AGPS: variants seen among roughly 807,000 people sequenced by gnomAD.
The protein encoded by AGPS is alkylglycerone phosphate synthase.
A neutral mutation model predicts 90.7 loss-of-function variants in AGPS; 26 were observed. That is an observed-to-expected ratio of 0.29 (90% CI 0.21 to 0.40). The LOEUF (loss-of-function observed/expected upper bound fraction) is 0.40. Among genes scored for constraint, AGPS ranks in the 10% least tolerant of loss-of-function variants. AGPS has a pLI of 1.00. For synonymous variants in AGPS, 294 were observed against 285.3 expected (o/e 1.03, Z -0.31); for missense variants, 540 against 816.1 (o/e 0.66, Z 4.12).
At chr2:177,470,245 G>C (rs1196249294) in intron 10 of AGPS, among the ~76,000 whole-genome samples, 1 of 152,168 alleles carries the variant, frequency 6.6e-6, no homozygotes, top group East Asian at 1.9e-4. Flanking sequence ...TCTAGGAGCA[G>C]AATGGTAAGG....
At chr2:177,479,114 T>A (rs1687868835) in intron 10 of AGPS, among the ~76,000 whole-genome samples, 1 of 152,134 alleles carries the variant, frequency 6.6e-6, no homozygotes, top group African/African-American at 2.4e-5. Flanking sequence ...TGTTTCTATC[T>A]AAGTAACACC....
intron 1 of AGPS, among the ~76,000 whole-genome samples, chr2:177,400,922 C>T (rs1685313500): frequency 6.6e-6 from 1 of 152,190 alleles, no homozygotes; most frequent in Non-Finnish European, 1.5e-5. Context: ...CTTGAACTAA[C>T]TGTATAGGAA....
chr2:177,399,958 C>G (rs913245396), intron 1 of AGPS, among the ~76,000 whole-genome samples: 4 of 152,136 alleles, frequency 2.6e-5, no homozygotes, highest in Non-Finnish European at 5.9e-5. Context: ...GAATAGTATT[C>G]CATTGGGTAG....
At chr2:177,499,837 C>T (rs2105712208) in intron 14 of AGPS, 107 bp downstream of exon 14, 1 of 737,566 alleles carries the variant, frequency 1.4e-6, no homozygotes, top group Non-Finnish European at 2.4e-6. Context: ...AAACAGACTG[C>T]ATGTCTCAAA....
At chr2:177,409,083 G>T (rs1488670334) in intron 1 of AGPS, among the ~76,000 whole-genome samples, 1 of 151,976 alleles carries the variant, frequency 6.6e-6, no homozygotes, top group Non-Finnish European at 1.5e-5. Flanking sequence ...ACTTTATGGG[G>T]TTCATTTTTT....
At chr2:177,422,745 A>G (rs1164134220) in intron 2 of AGPS, among the ~76,000 whole-genome samples, 2 of 152,240 alleles carry the variant, frequency 1.3e-5, no homozygotes, top group African/African-American at 4.8e-5. Context: ...AAGCACCAGT[A>G]CCTTGTCACA....
intron 1 of AGPS, among the ~76,000 whole-genome samples, chr2:177,408,887 G>A (rs1054344837): frequency 2.6e-5 from 4 of 152,176 alleles, no homozygotes; most frequent in African/African-American, 9.7e-5. Flanking sequence ...TGTGGTCTGT[G>A]GATGACCCTC....
intron 8 of AGPS, among the ~76,000 whole-genome samples, chr2:177,460,160 T>TGG (rs764683683): frequency 6.6e-6 from 1 of 152,058 alleles, no homozygotes; most frequent in African/African-American, 2.4e-5. Flanking sequence ...CAGTGGGGCC[T>TGG]GGGGCGCGGT....
rs559095593 is a variant in AGPS at position 177,417,510 on chromosome 2, G to A, written c.261-2759G>A. Among the ~76,000 whole-genome samples the A allele has an allele frequency of 2.4e-4, 36 of 152,258 alleles. No homozygotes were observed. The Middle Eastern group carries it at 0.014, about 58-fold the overall frequency. On this transcript the variant is annotated intron_variant, in intron 1 of 19. Transcript: ENST00000264167. ...AATAGTTTCTTGAAACAGTATTGAT[G>A]TAAATCAAAAAATGAGTTCTTTCAA...
At chr2:177,511,727 A>G (rs1688878919) in intron 16 of AGPS, among the ~76,000 whole-genome samples, 2 of 152,348 alleles carry the variant, frequency 1.3e-5, no homozygotes, top group Admixed American at 1.3e-4. Flanking sequence ...GGATTGATCC[A>G]AGTGGACTGT....
At chr2:177,527,577 T>C (rs1366039227) in intron 19 of AGPS, among the ~76,000 whole-genome samples, 1 of 152,222 alleles carries the variant, frequency 6.6e-6, no homozygotes. Context: ...TCAATTTTAC[T>C]TTCTGGTTGC....
intron 9 of AGPS, among the ~76,000 whole-genome samples, chr2:177,466,075 A>T (rs527366962): frequency 2.1e-3 from 323 of 152,280 alleles, no homozygotes; most frequent in African/African-American, 7.2e-3. Flanking sequence ...GGCCATCCTG[A>T]TGAGCATCCA....
At chr2:177,492,551 A>G (rs561469609) in intron 11 of AGPS, among the ~76,000 whole-genome samples, 27 of 152,328 alleles carry the variant, frequency 1.8e-4, no homozygotes, top group African/African-American at 5.5e-4. Flanking sequence ...TTAAACTATT[A>G]TACATTTAAT....
At chr2:177,519,244 G>C (rs1205690684) in intron 17 of AGPS, among the ~76,000 whole-genome samples, 2 of 151,812 alleles carry the variant, frequency 1.3e-5, no homozygotes, top group Non-Finnish European at 2.9e-5. Flanking sequence ...TTATCTCCTG[G>C]TTGATTTCTC....
intron 11 of AGPS, among the ~76,000 whole-genome samples, chr2:177,487,275 A>G (rs1168874229): frequency 6.6e-6 from 1 of 152,036 alleles, no homozygotes; most frequent in African/African-American, 2.4e-5. Flanking sequence ...AAGAGGAAAA[A>G]CTGTATTTGG....
chr2:177,432,880 G>A (rs899064893), intron 2 of AGPS, among the ~76,000 whole-genome samples: 2 of 152,184 alleles, frequency 1.3e-5, no homozygotes, highest in Admixed American at 1.3e-4. Context: ...ATCACATGGT[G>A]AAACTGAAAG....
chr2:177,508,071 G>A (rs1559077356), intron 16 of AGPS, 40 bp downstream of exon 16: 9 of 1,400,052 alleles, frequency 6.4e-6, no homozygotes, highest in East Asian at 2.3e-5. Flanking sequence ...TCAAATATGC[G>A]ATATGAATTG....
chr2:177,393,156 G>A, intron 1 of AGPS, 107 bp downstream of exon 1: 6 of 1,548,480 alleles, frequency 3.9e-6, no homozygotes, highest in South Asian at 1.2e-5. Context: ...GTGGGCGGAA[G>A]GCATCCCGGT....
rs1301911498 is a variant in AGPS at position 177,425,622 on chromosome 2, G to GGA, written c.350+5264_350+5265insGA. On this transcript the variant is annotated intron_variant, in intron 2 of 19. Transcript: ENST00000264167. Reference sequence around the variant, plus strand: ...GGCAACAAGAGTGAAACTCTGCCTAGAAAAAAAAAAAAAAAAAAAAAAGGA... The same window carrying GGA: ...GGCAACAAGAGTGAAACTCTGCCTAGGAAAAAAAAAAAAAAAAAAAAAAAGGA... 2.0e-3 allele frequency among the ~76,000 whole-genome samples: 190 copies of GGA among 95,268 alleles called. 2 individuals carry two copies. Among genetic ancestry groups the GGA allele is most frequent in the African/African-American group, 7.4e-3 (186 of 25,016 alleles). The allele number at this position is 95,268 out of a possible 152,430, so 62.5% of individuals were successfully genotyped here.
Sources: gnomAD v4.1 joint callset for allele counts (sites outside exome capture counted in the v4.1 genomes callset) on GRCh38, gnomAD v4.1.1 for gene constraint, MANE v1.5 for transcripts, NCBI Gene and HGNC (gene_info 2026-07-23, HGNC 2026-07-21) for gene names.